The following ST6GALNAC3 variants were observed in gnomAD, a reference collection of about 807,000 sequenced individuals.
The protein encoded by ST6GALNAC3 is ST6 N-acetylgalactosaminide alpha-2,6-sialyltransferase 3.
ST6GALNAC3 carries 25 observed loss-of-function variants against 32.7 expected under a neutral mutation model. The observed-to-expected ratio is 0.76, with a 90% CI of 0.56 to 1.07. ST6GALNAC3 has a LOEUF of 1.07. Ranked by LOEUF, ST6GALNAC3 falls within the 50% of genes least tolerant of loss-of-function variation. ST6GALNAC3 has a pLI of 0.00. For missense variants in ST6GALNAC3, 355 were observed against 382.4 expected, an observed-to-expected ratio of 0.93 and a Z score of 0.60; for synonymous variants, 129 against 133.1, an observed-to-expected ratio of 0.97 and a Z score of 0.21.
chr1:76,468,035 AT>A (rs569891678), intron 3 of ST6GALNAC3, among the ~76,000 whole-genome samples: 1,616 of 149,648 alleles, frequency 0.011, 26 homozygotes, highest in African/African-American at 0.036. Context: ...TTTTTCTAAA[AT>A]TTTTTTTTTG....
chr1:76,630,985 T>G lies in ST6GALNAC3; in HGVS notation c.*2179T>G, dbSNP rs141144727. ...GACATGAACTTAATTTATTTAGTTT[T>G]CTAATAAATGAAGGGCCAACTCTTA... On this transcript the variant is annotated 3_prime_UTR_variant, in exon 5 of 5. Coordinates refer to ENST00000328299, the MANE Select transcript of ST6GALNAC3 (RefSeq NM_152996.4). 4.7e-4 allele frequency: 461 copies of G among 985,696 alleles called. 1 individual carries two copies. The African/African-American group carries it at 7.3e-3, about 16-fold the overall frequency. The allele number at this position is 985,696 out of a possible 1,614,324, so 61.1% of individuals were successfully genotyped here. A position where few individuals can be genotyped will look rare whatever the true frequency, so the allele number is the denominator to read the frequency against.
At chr1:76,538,029 A>C (rs1663733710) in intron 3 of ST6GALNAC3, among the ~76,000 whole-genome samples, 1 of 152,228 alleles carries the variant, frequency 6.6e-6, no homozygotes, top group Non-Finnish European at 1.5e-5. Context: ...TGAAGCCAGC[A>C]TCATCCTGAT....
chr1:76,077,355 T>C (rs1199062580), intron 1 of ST6GALNAC3, among the ~76,000 whole-genome samples: 2 of 152,160 alleles, frequency 1.3e-5, no homozygotes, highest in Non-Finnish European at 2.9e-5. Context: ...GCCCTCTTAG[T>C]TTCTGTGCCT....
chr1:76,608,903 G>A (rs2764654), intron 3 of ST6GALNAC3, among the ~76,000 whole-genome samples: 129,725 of 152,014 alleles, frequency 0.85, 55,360 homozygotes, highest in Middle Eastern at 0.89. Context: ...TAAAACTGGT[G>A]GTCCAGTCTT....
chr1:76,433,596 C>G (rs758556283), intron 3 of ST6GALNAC3, among the ~76,000 whole-genome samples: 75 of 152,098 alleles, frequency 4.9e-4, no homozygotes, highest in Non-Finnish European at 1.5e-4. Context: ...TCCATGAAAC[C>G]TTTTTCTTAT....
intron 1 of ST6GALNAC3, among the ~76,000 whole-genome samples, chr1:76,161,501 T>A (rs1651805177): frequency 6.6e-6 from 1 of 152,160 alleles, no homozygotes; most frequent in Non-Finnish European, 1.5e-5. Flanking sequence ...CCCTGGAGGA[T>A]AGGTGCTGTG....
At chr1:76,275,867 A>G (rs1170119822) in intron 1 of ST6GALNAC3, among the ~76,000 whole-genome samples, 1 of 152,178 alleles carries the variant, frequency 6.6e-6, no homozygotes, top group South Asian at 2.1e-4. Context: ...GGTCACATGT[A>G]GTGCAAGCTT....
At chr1:76,529,247 G>A (rs1420988818) in intron 3 of ST6GALNAC3, among the ~76,000 whole-genome samples, 9 of 152,226 alleles carry the variant, frequency 5.9e-5, no homozygotes, top group South Asian at 2.1e-4. Context: ...TTGGCTGCAC[G>A]TGTTTCCTTG....
At chr1:76,218,930 T>A (rs553523241) in intron 1 of ST6GALNAC3, among the ~76,000 whole-genome samples, 1 of 152,332 alleles carries the variant, frequency 6.6e-6, no homozygotes, top group Admixed American at 6.5e-5. Flanking sequence ...CACTAAGGGA[T>A]TTGCATGTAT....
At position 76,533,085 on chromosome 1, in the gene ST6GALNAC3, C is replaced by A. The variant is rs549457834; in HGVS notation, c.624-94367C>A. On this transcript the variant is annotated intron_variant, in intron 3 of 4. Coordinates refer to ENST00000328299, the MANE Select transcript of ST6GALNAC3 (RefSeq NM_152996.4). ...GCCAGAATGTGCTGTGTACCAGTGGCGAGTTCTTGTCTTTGGAGACTTATG... is the reference window on the plus strand; with the variant it reads ...GCCAGAATGTGCTGTGTACCAGTGGAGAGTTCTTGTCTTTGGAGACTTATG... Among the ~76,000 whole-genome samples, 360 of 152,206 alleles carry A rather than the reference C, an allele frequency of 2.4e-3. 1 individual carries two copies. Among genetic ancestry groups the A allele is most frequent in the African/African-American group, 8.4e-3 (348 of 41,546 alleles).
At chr1:76,576,856 C>G (rs755744576) in intron 3 of ST6GALNAC3, 51 of 1,304,734 alleles carry the variant, frequency 3.9e-5, no homozygotes, top group Non-Finnish European at 5.2e-5. Flanking sequence ...TACAGAGTGA[C>G]CATGCAGTGT....
intron 1 of ST6GALNAC3, among the ~76,000 whole-genome samples, chr1:76,304,944 A>G (rs1258512640): frequency 1.3e-5 from 2 of 152,100 alleles, no homozygotes; most frequent in East Asian, 1.9e-4. Flanking sequence ...CAGAAGCCAC[A>G]TACAACCAAT....
At chr1:76,204,094 T>C (rs1654688316) in intron 1 of ST6GALNAC3, among the ~76,000 whole-genome samples, 1 of 152,160 alleles carries the variant, frequency 6.6e-6, no homozygotes, top group Non-Finnish European at 1.5e-5. Flanking sequence ...CTGCTCTCTA[T>C]CTTCATGAGA....
At chr1:76,434,782 C>CTTTTTTTTTTT (rs1557883285) in intron 3 of ST6GALNAC3, among the ~76,000 whole-genome samples, 1 of 98,720 alleles carries the variant, frequency 1.0e-5, no homozygotes, top group African/African-American at 3.8e-5. Context: ...TTTTTTTTCT[C>CTTTTTTTTTTT]TGTTTTTTTT....
intron 3 of ST6GALNAC3, among the ~76,000 whole-genome samples, chr1:76,426,389 G>A (rs1382641826): frequency 6.6e-6 from 1 of 151,576 alleles, no homozygotes; most frequent in Non-Finnish European, 1.5e-5. Flanking sequence ...GCCTACACAG[G>A]GTCAGCATCA....
At chr1:76,449,339 G>A (rs1314402494) in intron 3 of ST6GALNAC3, among the ~76,000 whole-genome samples, 6 of 152,128 alleles carry the variant, frequency 3.9e-5, no homozygotes, top group African/African-American at 9.7e-5. Flanking sequence ...AGGGCATCTT[G>A]TTTGCTTCCA....
At chr1:76,180,752 A>G (rs1280490978) in intron 1 of ST6GALNAC3, among the ~76,000 whole-genome samples, 1 of 151,896 alleles carries the variant, frequency 6.6e-6, no homozygotes, top group African/African-American at 2.4e-5. Context: ...GGATGGCCAA[A>G]CTCCAGGGGA....
chr1:76,331,858 A>T (rs749499256), intron 2 of ST6GALNAC3, among the ~76,000 whole-genome samples: 4 of 152,196 alleles, frequency 2.6e-5, no homozygotes, highest in Non-Finnish European at 4.4e-5. Flanking sequence ...CCTACTTGCC[A>T]GTGTATTGTG....
chr1:76,567,587 C>A (rs1326654968), intron 3 of ST6GALNAC3, among the ~76,000 whole-genome samples: 4 of 152,140 alleles, frequency 2.6e-5, no homozygotes, highest in Non-Finnish European at 5.9e-5. Flanking sequence ...GCAATAATAT[C>A]CAAATGTGAA....
Sources: gnomAD v4.1 joint callset for allele counts (sites outside exome capture counted in the v4.1 genomes callset) on GRCh38, gnomAD v4.1.1 for gene constraint, MANE v1.5 for transcripts, NCBI Gene and HGNC (gene_info 2026-07-23, HGNC 2026-07-21) for gene names.